GPR137C: variants seen among roughly 807,000 people sequenced by gnomAD.
The protein encoded by GPR137C is G protein-coupled receptor 137C, also known as integral membrane protein GPR137C.
Under a neutral mutation model 43.4 loss-of-function variants are expected in GPR137C, and 27 were observed. The observed-to-expected ratio is 0.62, with a 90% CI of 0.46 to 0.86. GPR137C has a LOEUF of 0.86. GPR137C is among the 40% of genes least tolerant of loss of function. The pLI, the probability that GPR137C is intolerant of heterozygous loss-of-function variation, is 0.00. For missense variants in GPR137C, 522 were observed against 534.6 expected, an observed-to-expected ratio of 0.98 and a Z score of 0.23; for synonymous variants, 285 against 226.9, an observed-to-expected ratio of 1.26 and a Z score of -2.30.
In GPR137C at chr14:52,634,866, C is replaced by G; in HGVS notation, c.1113-72C>G. On this transcript the variant is annotated intron_variant, in intron 6 of 6. Transcript: ENST00000321662. ...TTTATTACAAAATTCATTGAAAATG[C>G]TAAAAATTCAAATGTGACTTCTTAT... 14 of 1,318,068 alleles carry G rather than the reference C, an allele frequency of 1.1e-5. No homozygotes were observed. In the South Asian group the frequency reaches 1.9e-4, roughly 18 times the overall value. 81.6% of individuals were successfully genotyped at this position (1,318,068 alleles called of 1,614,324 possible).
intron 3 of GPR137C, among the ~76,000 whole-genome samples, chr14:52,605,278 G>C (rs903543742): frequency 6.6e-6 from 1 of 151,872 alleles, no homozygotes; most frequent in Non-Finnish European, 1.5e-5. Context: ...TACTTCTTAG[G>C]TTTAATTTAT....
At chr14:52,588,499 C>T (rs1276918727) in intron 1 of GPR137C, among the ~76,000 whole-genome samples, 2 of 152,188 alleles carry the variant, frequency 1.3e-5, no homozygotes, top group African/African-American at 4.8e-5. Context: ...CATTAACCTC[C>T]TGATATAATG....
chr14:52,597,523 G>A (rs542368915), intron 1 of GPR137C, among the ~76,000 whole-genome samples: 172 of 152,044 alleles, frequency 1.1e-3, no homozygotes, highest in Non-Finnish European at 2.1e-3. Flanking sequence ...CTTTTATTTT[G>A]TAGTTCCTCT....
At chr14:52,626,905 A>G (rs990246867) in intron 3 of GPR137C, among the ~76,000 whole-genome samples, 1 of 152,204 alleles carries the variant, frequency 6.6e-6, no homozygotes, top group African/African-American at 2.4e-5. Flanking sequence ...AAATTTTCCA[A>G]AAAGCAAGCA....
At chr14:52,603,820 G>T (rs1370015374) in intron 3 of GPR137C, among the ~76,000 whole-genome samples, 1 of 151,900 alleles carries the variant, frequency 6.6e-6, no homozygotes, top group Non-Finnish European at 1.5e-5. Flanking sequence ...ATTACAGATG[G>T]GAGCCACTGT....
rs2039355322 is a variant in GPR137C, at chr14:52,636,587, A to C, written c.*1472A>C. On this transcript the variant is annotated 3_prime_UTR_variant, in exon 7 of 7. Coordinates refer to ENST00000321662, the MANE Select transcript of GPR137C (RefSeq NM_001099652.2). ...TCCTCGCTTACTTAAAATGTACTTCAACTTTTTAACAACTGATACAATAAC... is the reference window on the plus strand; with the variant it reads ...TCCTCGCTTACTTAAAATGTACTTCCACTTTTTAACAACTGATACAATAAC... The C allele has an allele frequency of 6.6e-6, 1 of 152,158 alleles. No homozygotes were observed. The allele number at this position is 152,158 out of a possible 1,614,324, so 9.4% of individuals were successfully genotyped here. A position where few individuals can be genotyped will look rare whatever the true frequency, so the allele number is the denominator to read the frequency against.
chr14:52,554,039 C>T (rs535495334), intron 1 of GPR137C, among the ~76,000 whole-genome samples: 1 of 152,316 alleles, frequency 6.6e-6, no homozygotes, highest in South Asian at 2.1e-4. Flanking sequence ...CGTCACCAGG[C>T]AGAGCTGTTC....
At chr14:52,557,586 T>C (rs565620081) in intron 1 of GPR137C, among the ~76,000 whole-genome samples, 1 of 152,350 alleles carries the variant, frequency 6.6e-6, no homozygotes, top group East Asian at 1.9e-4. Flanking sequence ...CTAAATTTTT[T>C]CACTATCTTG....
At chr14:52,630,322 A>G (rs1405565153) in intron 3 of GPR137C, among the ~76,000 whole-genome samples, 2 of 152,142 alleles carry the variant, frequency 1.3e-5, no homozygotes, top group African/African-American at 2.4e-5. Context: ...CAGTGCATAT[A>G]AACTTTTGCA....
intron 2 of GPR137C, among the ~76,000 whole-genome samples, chr14:52,598,819 T>C (rs2038889073): frequency 1.3e-5 from 2 of 152,206 alleles, no homozygotes; most frequent in African/African-American, 2.4e-5. Flanking sequence ...ATTATCTGGA[T>C]ATGTAGGTGA....
At chr14:52,618,822 G>A (rs2039128131) in intron 3 of GPR137C, among the ~76,000 whole-genome samples, 3 of 152,064 alleles carry the variant, frequency 2.0e-5, no homozygotes, top group Non-Finnish European at 4.4e-5. Flanking sequence ...CCAGCTAGAT[G>A]CTTAGTCCCC....
At chr14:52,560,134 G>A (rs1047483250) in intron 1 of GPR137C, among the ~76,000 whole-genome samples, 1 of 152,170 alleles carries the variant, frequency 6.6e-6, no homozygotes. Flanking sequence ...TCCAGCTTGG[G>A]CGACAGAACA....
chr14:52,599,875 A>C (rs1489045021), intron 2 of GPR137C, among the ~76,000 whole-genome samples: 1 of 152,244 alleles, frequency 6.6e-6, no homozygotes, highest in Non-Finnish European at 1.5e-5. Context: ...AATAGTTATA[A>C]AAATGAAAAA....
chr14:52,573,191 T>C (rs746962066), intron 1 of GPR137C, among the ~76,000 whole-genome samples: 9 of 152,120 alleles, frequency 5.9e-5, no homozygotes, highest in East Asian at 1.9e-4. Context: ...CAAGCTACCA[T>C]TGACTTTCTT....
intron 1 of GPR137C, among the ~76,000 whole-genome samples, chr14:52,573,702 C>T (rs994443882): frequency 1.3e-5 from 2 of 152,178 alleles, no homozygotes; most frequent in Non-Finnish European, 2.9e-5. Flanking sequence ...GCAATGGCAA[C>T]AAAAGCCAAA....
rs1001539449 is a variant in GPR137C, at chr14:52,636,341, G to A, written c.*1226G>A. On this transcript the variant is annotated 3_prime_UTR_variant, in exon 7 of 7. Transcript: ENST00000321662. The stretch of plus-strand genomic sequence containing the variant: ...CCCAAATCTAAAAAAAAAGAAAATG[G>A]CAGGCTGAGATAATACAGAATTTTA... 1 of 151,874 alleles carries A rather than the reference G, an allele frequency of 6.6e-6. No individual in the cohort carries two copies. Among genetic ancestry groups the A allele is most frequent in the African/African-American group, 2.4e-5 (1 of 41,360 alleles). 9.4% of individuals were successfully genotyped at this position (151,874 alleles called of 1,614,324 possible).
intron 1 of GPR137C, among the ~76,000 whole-genome samples, chr14:52,577,068 GCTACT>G (rs201399837): frequency 0.06 from 8,395 of 139,040 alleles, 264 homozygotes; most frequent in Middle Eastern, 0.08. Context: ...TGTAGTCCCA[GCTACT>G]CTACTCAGGA....
At position 52,600,159 on chromosome 14, in the gene GPR137C, G is replaced by T; in HGVS notation, c.535G>T (p.Val179Leu). The change falls in exon 3 of 7, where the codon GTG becomes TTG. Residue 179 changes from valine to leucine, a missense_variant. This residue lies in a region of GPR137C where 437 missense variants were observed against 425.7 expected (regional missense o/e 1.03). Transcript: ENST00000321662. ...TATAATGGCAAGCCTGCTCTTTTTA[G>T]TGGTGAACTTGACTTGCGCAATGCT... ...GFIMASLLFL[V>L]VNLTCAMLVH... 1 of 1,613,866 alleles carries T rather than the reference G, an allele frequency of 6.2e-7. No individual in the cohort carries two copies. Among genetic ancestry groups the T allele is most frequent in the Non-Finnish European group, 8.5e-7 (1 of 1,179,824 alleles).
In GPR137C at chr14:52,595,015, G is replaced by A. The variant is rs1291064258; in HGVS notation, c.445-3257G>A. Reference sequence around the variant, plus strand: ...GGAGCTCTTGTAAGGCAGGCCTGGTGGAGACAAAATCTCTCAGCATTTGCT... The same window carrying A: ...GGAGCTCTTGTAAGGCAGGCCTGGTAGAGACAAAATCTCTCAGCATTTGCT... On this transcript the variant is annotated intron_variant, in intron 1 of 6. Coordinates refer to ENST00000321662, the MANE Select transcript of GPR137C (RefSeq NM_001099652.2). Among the ~76,000 whole-genome samples, 6 of 152,206 alleles carry A rather than the reference G, an allele frequency of 3.9e-5. No homozygotes were observed. In the East Asian group the frequency reaches 1.2e-3, roughly 29 times the overall value.
Sources: allele counts gnomAD v4.1 joint callset (sites outside exome capture counted in the v4.1 genomes callset), GRCh38; gene constraint gnomAD v4.1.1; regional missense constraint gnomAD v4.1.1; transcripts MANE v1.5; gene names NCBI Gene and HGNC (gene_info 2026-07-23, HGNC 2026-07-21).